The following IL17F variants were observed in gnomAD, a reference collection of about 807,000 sequenced individuals.
IL17F encodes the protein interleukin 17F.
A neutral mutation model predicts 8.3 loss-of-function variants in IL17F; 6 were observed. The observed-to-expected ratio is 0.73, with a 90% CI of 0.40 to 1.43. The LOEUF (loss-of-function observed/expected upper bound fraction) is 1.43. IL17F is among the 40% of genes most tolerant of loss of function. The probability of loss-of-function intolerance (pLI) is 0.02; values close to 1 mark genes in which losing one functional copy is unlikely to be tolerated. For missense variants in IL17F, 204 were observed against 209.6 expected (o/e 0.97, Z 0.17); for synonymous variants, 98 against 81.6 (o/e 1.20, Z -1.08).
intron 2 of IL17F, 112 bp from the exon 3 acceptor site, chr6:52,237,280 G>T: frequency 1.3e-6 from 1 of 785,050 alleles, no homozygotes; most frequent in Non-Finnish European, 2.1e-6. Context: ...CTGCAGGGCT[G>T]TGGCACAGGT....
At chr6:52,237,377 G>A (rs933391434) in intron 2 of IL17F, among the ~76,000 whole-genome samples, 2 of 151,952 alleles carry the variant, frequency 1.3e-5, no homozygotes, top group Non-Finnish European at 2.9e-5. Context: ...TATAAGATGG[G>A]GATTTTCATA....
intron 1 of IL17F, among the ~76,000 whole-genome samples, chr6:52,242,216 C>A (rs9463771): frequency 0.011 from 1,645 of 152,262 alleles, 28 homozygotes; most frequent in African/African-American, 0.036. Context: ...GGGACAGGGG[C>A]AAGGGAAAGC....
chr6:52,236,926 A>C lies in IL17F; in HGVS notation c.*5T>G. On this transcript the variant is annotated 3_prime_UTR_variant, in exon 3 of 3. Coordinates refer to ENST00000336123, the MANE Select transcript of IL17F (RefSeq NM_052872.4). ...AGCTTCTTCAGCTGAGTGGATATGC[A>C]CCTCTTACTGCACATGGTGGATGAC... 1 of 1,609,468 alleles carries C rather than the reference A, an allele frequency of 6.2e-7. No homozygotes were observed. The highest frequency in any genetic ancestry group is 8.5e-7 in the Non-Finnish European group (1 of 1,175,786).
intron 2 of IL17F, among the ~76,000 whole-genome samples, chr6:52,238,285 C>T (rs1220529769): frequency 6.6e-6 from 1 of 152,230 alleles, no homozygotes; most frequent in Non-Finnish European, 1.5e-5. Context: ...TGAAGGTCTC[C>T]ACCTAACATC....
intron 1 of IL17F, 100 bp from the exon 2 acceptor site, chr6:52,239,050 G>C (rs1262229228): frequency 9.6e-7 from 1 of 1,044,230 alleles, no homozygotes; most frequent in African/African-American, 1.6e-5. Context: ...CCTTTTATGG[G>C]ATCAGGGCTT....
In IL17F at chr6:52,238,945, C is replaced by G. The variant is rs201369709; in HGVS notation, c.39G>C (p.Lys13Asn). ...GCCCCAATATCGACAGCAGCAAGTA[C>G]TTGACCTGGAAAATAGAAGACGCTG... ...VKTLHGPAMV[K>N]YLLLSILGLA... The change falls in exon 2 of 3, where the codon AAG becomes AAC. Residue 13 changes from lysine (K) to asparagine (N), a missense_variant. Transcript: ENST00000336123. The G allele has an allele frequency of 3.1e-6, 5 of 1,612,952 alleles. No individual in the cohort carries two copies. The highest frequency in any genetic ancestry group is 4.2e-6 in the Non-Finnish European group (5 of 1,179,796).
chr6:52,238,993 A>G, intron 1 of IL17F, 43 bp from the exon 2 acceptor site: 1 of 1,539,826 alleles, frequency 6.5e-7, no homozygotes, highest in Non-Finnish European at 9.0e-7. Context: ...GACTCGCCTC[A>G]CCTACTAGCA....
At position 52,236,947 on chromosome 6, in the gene IL17F, A is replaced by G. The variant is rs753929271; in HGVS notation, c.476T>C (p.Ile159Thr). ...TVGCTCVTPV[I>T]HHVQ ...ATGCACCTCTTACTGCACATGGTGG[A>G]TGACAGGGGTGACGCAGGTGCAGCC... The change falls in exon 3 of 3, where the codon ATC becomes ACC. Residue 159 changes from isoleucine (I) to threonine (T), a missense_variant. Physicochemically the swap from Ile to Thr is moderately conservative, Grantham distance 89. Coordinates refer to ENST00000336123, the MANE Select transcript of IL17F (RefSeq NM_052872.4). 6.2e-7 allele frequency: 1 copy of G among 1,613,840 alleles called. No individual in the cohort carries two copies. The highest frequency in any genetic ancestry group is 1.7e-5 in the Admixed American group (1 of 60,014).
upstream of IL17F, among the ~76,000 whole-genome samples, chr6:52,245,249 G>A (rs772679271): frequency 2.0e-5 from 3 of 152,120 alleles, no homozygotes; most frequent in Non-Finnish European, 2.9e-5. Flanking sequence ...ATTCAATTCT[G>A]ACGCTATCTC....
chr6:52,244,651 G>A (rs1764132540), upstream of IL17F: 1 of 572,414 alleles, frequency 1.7e-6, no homozygotes, highest in Non-Finnish European at 3.1e-6. Flanking sequence ...AACAAAAGGG[G>A]GACCCTAAAG....
At chr6:52,239,484 C>A (rs1311879109) in intron 1 of IL17F, among the ~76,000 whole-genome samples, 1 of 152,172 alleles carries the variant, frequency 6.6e-6, no homozygotes, top group Non-Finnish European at 1.5e-5. Flanking sequence ...GCCTAGAATA[C>A]TCTGTCTGTC....
chr6:52,240,121 C>T (rs1764046178), intron 1 of IL17F, among the ~76,000 whole-genome samples: 1 of 152,154 alleles, frequency 6.6e-6, no homozygotes, highest in Non-Finnish European at 1.5e-5. Flanking sequence ...AGGCCCATCA[C>T]CAACTCTCAA....
intron 2 of IL17F, 87 bp from the exon 3 acceptor site, chr6:52,237,255 T>A (rs1003807840): frequency 6.9e-6 from 7 of 1,011,566 alleles, no homozygotes; most frequent in African/African-American, 1.6e-5. Context: ...AGTGTTCACC[T>A]GCAGGGAGGC....
At chr6:52,239,523 C>G (rs974150883) in intron 1 of IL17F, among the ~76,000 whole-genome samples, 4 of 152,158 alleles carry the variant, frequency 2.6e-5, no homozygotes, top group Non-Finnish European at 4.4e-5. Flanking sequence ...TAAGGCCCAG[C>G]TCAGATGTGA....
rs927124697 is a variant in IL17F, at chr6:52,237,251, C to A, written c.255-83G>T. 1.4e-5 allele frequency: 15 copies of A among 1,062,500 alleles called. No individual in the cohort carries two copies. In the Middle Eastern group the frequency reaches 8.4e-4, roughly 59 times the overall value. The allele number at this position is 1,062,500 out of a possible 1,614,324, so 65.8% of individuals were successfully genotyped here. A position where few individuals can be genotyped will look rare whatever the true frequency, so the allele number is the denominator to read the frequency against. On this transcript the variant is annotated intron_variant, in intron 2 of 2. Coordinates refer to ENST00000336123, the MANE Select transcript of IL17F (RefSeq NM_052872.4). ...TGAGAGCCCCACAGCACTGAGTGTT[C>A]ACCTGCAGGGAGGCAGTTCTGCAGG...
chr6:52,236,892 C>T lies in IL17F; in HGVS notation c.*39G>A. On this transcript the variant is annotated 3_prime_UTR_variant, in exon 3 of 3. Transcript: ENST00000336123. The stretch of plus-strand genomic sequence containing the variant: ...TTGCAGAGCACTGGGTAAGGAGTGG[C>T]ATTTCTACAGCTTCTTCAGCTGAGT... 6.6e-7 allele frequency: 1 copy of T among 1,525,560 alleles called. No individual in the cohort carries two copies. The highest frequency in any genetic ancestry group is 1.7e-5 in the Admixed American group (1 of 59,914). 94.5% of individuals were successfully genotyped at this position (1,525,560 alleles called of 1,614,324 possible).
upstream of IL17F, chr6:52,244,504 C>A: frequency 7.4e-7 from 1 of 1,355,774 alleles, no homozygotes; most frequent in Non-Finnish European, 1.1e-6. Flanking sequence ...TGTGTTCTAT[C>A]AATGAGAGTA....
At chr6:52,237,209 G>A (rs756572344) in intron 2 of IL17F, 41 bp from the exon 3 acceptor site, 1 of 1,499,524 alleles carries the variant, frequency 6.7e-7, no homozygotes, top group Non-Finnish European at 9.3e-7. Flanking sequence ...TGAGGCATGG[G>A]GGAGGAAGAC....
chr6:52,238,107 C>T (rs1398771619), intron 2 of IL17F, among the ~76,000 whole-genome samples: 2 of 152,200 alleles, frequency 1.3e-5, no homozygotes, highest in African/African-American at 2.4e-5. Context: ...GGGGCACTAC[C>T]GTCCCAAGGT....
Sources: allele counts gnomAD v4.1 joint callset (sites outside exome capture counted in the v4.1 genomes callset), GRCh38; gene constraint gnomAD v4.1.1; transcripts MANE v1.5; gene names NCBI Gene and HGNC (gene_info 2026-07-23, HGNC 2026-07-21).